The following THSD4 variants were observed in gnomAD, a reference collection of about 807,000 sequenced individuals.
THSD4 encodes thrombospondin type-1 domain-containing protein 4.
A neutral mutation model predicts 119.0 loss-of-function variants in THSD4; 69 were observed. That is an observed-to-expected ratio of 0.58 (90% confidence interval 0.48 to 0.71). THSD4 has a LOEUF of 0.71. Among genes scored for constraint, THSD4 ranks in the 30% least tolerant of loss-of-function variants. The probability of loss-of-function intolerance (pLI) is 0.00; values close to 1 mark genes in which losing one functional copy is unlikely to be tolerated. For missense variants in THSD4, 1,393 were observed against 1,391.1 expected (o/e 1.00, Z -0.02); for synonymous variants, 524 against 540.4 (o/e 0.97, Z 0.42).
At chr15:71,151,968 G>T (rs1465104216) in intron 2 of THSD4, among the ~76,000 whole-genome samples, 1 of 152,192 alleles carries the variant, frequency 6.6e-6, no homozygotes, top group East Asian at 1.9e-4. Flanking sequence ...TACCGACAGA[G>T]AATGTTTCCG....
chr15:71,752,106 A>G (rs1489216341), intron 14 of THSD4, among the ~76,000 whole-genome samples: 1 of 152,162 alleles, frequency 6.6e-6, no homozygotes, highest in East Asian at 1.9e-4. Flanking sequence ...TGTAAATTCC[A>G]TGTCTCTACA....
chr15:71,199,801 GC>G (rs1331370722), intron 3 of THSD4, among the ~76,000 whole-genome samples: 1 of 146,634 alleles, frequency 6.8e-6, no homozygotes, highest in Admixed American at 6.7e-5. Context: ...CTGTGTGTGT[GC>G]TGTGTGTGTG....
At chr15:71,234,248 T>C (rs2044083987) in intron 4 of THSD4, among the ~76,000 whole-genome samples, 1 of 152,232 alleles carries the variant, frequency 6.6e-6, no homozygotes, top group South Asian at 2.1e-4. Context: ...CTGGGATTTC[T>C]ACTGTTCCCC....
intron 7 of THSD4, among the ~76,000 whole-genome samples, chr15:71,562,030 A>C (rs1201856733): frequency 1.3e-5 from 2 of 152,184 alleles, no homozygotes; most frequent in Non-Finnish European, 2.9e-5. Context: ...AATCTAGTCT[A>C]ACCTACTGAT....
intron 1 of THSD4, among the ~76,000 whole-genome samples, chr15:71,099,745 G>A (rs543940762): frequency 2.6e-5 from 4 of 152,038 alleles, no homozygotes; most frequent in Non-Finnish European, 4.4e-5. Flanking sequence ...GGGGCAGATC[G>A]CTTGAACCCA....
intron 8 of THSD4, among the ~76,000 whole-genome samples, chr15:71,677,213 A>C (rs2051670501): frequency 6.6e-6 from 1 of 152,238 alleles, no homozygotes; most frequent in Non-Finnish European, 1.5e-5. Context: ...GCTGCAGGTC[A>C]TGGCAGCCCC....
intron 7 of THSD4, among the ~76,000 whole-genome samples, chr15:71,625,010 G>GTTTGT (rs2050482614): frequency 6.6e-6 from 1 of 151,870 alleles, no homozygotes; most frequent in Non-Finnish European, 1.5e-5. Context: ...TTGTTTGTTT[G>GTTTGT]TTTGTTTGTT....
At chr15:71,576,384 A>G (rs1005118147) in intron 7 of THSD4, among the ~76,000 whole-genome samples, 4 of 152,168 alleles carry the variant, frequency 2.6e-5, no homozygotes, top group Non-Finnish European at 4.4e-5. Flanking sequence ...TTTAAGGAAC[A>G]TTCTCCTTCC....
chr15:71,733,951 A>ATTGTTGCTG (rs1555447220), intron 10 of THSD4: 1 of 140,194 alleles, frequency 7.1e-6, no homozygotes, highest in Non-Finnish European at 1.5e-5. Flanking sequence ...GAAAGCCCTA[A>ATTGTTGCTG]TTGTTGTTGT....
chr15:71,232,701 G>A (rs190436880), intron 4 of THSD4, among the ~76,000 whole-genome samples: 4 of 152,296 alleles, frequency 2.6e-5, no homozygotes, highest in South Asian at 2.1e-4. Flanking sequence ...GACGAAGACC[G>A]GAGTTGAATC....
At chr15:71,504,907 T>G (rs1203611514) in intron 7 of THSD4, among the ~76,000 whole-genome samples, 3 of 152,228 alleles carry the variant, frequency 2.0e-5, no homozygotes, top group Non-Finnish European at 4.4e-5. Flanking sequence ...TCCTAATTTC[T>G]CAGTCTTCCC....
At chr15:71,533,495 A>G (rs1175841005) in intron 7 of THSD4, among the ~76,000 whole-genome samples, 1 of 152,230 alleles carries the variant, frequency 6.6e-6, no homozygotes, top group East Asian at 1.9e-4. Context: ...ACATACAGTA[A>G]GATGTATTTA....
upstream of THSD4, chr15:71,113,616 T>C (rs943411750): frequency 1.3e-5 from 2 of 152,226 alleles, no homozygotes; most frequent in African/African-American, 2.4e-5. Context: ...AGCTCTTAAA[T>C]ACTTCTGCAT....
intron 3 of THSD4, chr15:71,186,115 C>T (rs1011876713): frequency 8.5e-5 from 13 of 152,138 alleles, no homozygotes; most frequent in African/African-American, 3.1e-4. Context: ...CATTTCTAAG[C>T]TGAATCTTAA....
rs1209883329 is a variant in THSD4 at position 71,442,670 on chromosome 15, A to ATGTG, written c.1152+30848_1152+30849insGTGT. Among the ~76,000 whole-genome samples the ATGTG allele has an allele frequency of 1.7e-3, 73 of 41,968 alleles. 5 individuals are homozygous for ATGTG. Among genetic ancestry groups the ATGTG allele is most frequent in the African/African-American group, 5.8e-3 (61 of 10,506 alleles). The allele number at this position is 41,968 out of a possible 152,430, so 27.5% of individuals were successfully genotyped here. On this transcript the variant is annotated intron_variant, in intron 7 of 17. Transcript: ENST00000261862. ...TGTGTGTGTGTGTGTGTATATATAT[A>ATGTG]TATATATATATATATATATATATAT...
intron 6 of THSD4, among the ~76,000 whole-genome samples, chr15:71,311,196 TA>T (rs1567191049): frequency 6.6e-6 from 1 of 152,150 alleles, no homozygotes; most frequent in Non-Finnish European, 1.5e-5. Context: ...GGATAGAGAA[TA>T]AAAAGGGAGG....
Position 71,154,845 on chromosome 15 carries a change from G to C in THSD4, c.30-18G>C. ...GAACATACTCACCATCCTGCCTGTTGCTATTTTCCCTTTTCAGTGTCCTGT... is the reference window on the plus strand; with the variant it reads ...GAACATACTCACCATCCTGCCTGTTCCTATTTTCCCTTTTCAGTGTCCTGT... On this transcript the variant is annotated intron_variant, in intron 2 of 17. Coordinates refer to ENST00000261862, the MANE Select transcript of THSD4 (RefSeq NM_024817.3). The C allele has an allele frequency of 6.2e-7, 1 of 1,613,710 alleles. No individual in the cohort carries two copies. Among genetic ancestry groups the C allele is most frequent in the African/African-American group, 1.3e-5 (1 of 75,032 alleles).
chr15:71,153,336 G>A (rs1459719441), intron 2 of THSD4, among the ~76,000 whole-genome samples: 3 of 152,200 alleles, frequency 2.0e-5, no homozygotes, highest in African/African-American at 7.2e-5. Flanking sequence ...AGTGAGGGAT[G>A]GCGCGCACCC....
chr15:71,223,041 A>G (rs2140257024), intron 4 of THSD4, among the ~76,000 whole-genome samples: 1 of 152,320 alleles, frequency 6.6e-6, no homozygotes, highest in African/African-American at 2.4e-5. Flanking sequence ...TGCTTAGCAC[A>G]GTATCTCCTG....
Sources: gnomAD v4.1 joint callset for allele counts (sites outside exome capture counted in the v4.1 genomes callset) on GRCh38, gnomAD v4.1.1 for gene constraint, MANE v1.5 for transcripts, NCBI Gene and HGNC (gene_info 2026-07-23, HGNC 2026-07-21) for gene names.